ENOPH1: variants seen among roughly 807,000 people sequenced by gnomAD.
The protein encoded by ENOPH1 is enolase-phosphatase 1.
Under a neutral mutation model 31.1 loss-of-function variants are expected in ENOPH1, and 14 were observed. That is an observed-to-expected ratio of 0.45 (90% CI 0.30 to 0.70). The LOEUF (loss-of-function observed/expected upper bound fraction) is 0.70. Ranked by LOEUF, ENOPH1 falls within the 30% of genes least tolerant of loss-of-function variation. The pLI, the probability that ENOPH1 is intolerant of heterozygous loss-of-function variation, is 0.09. For missense variants in ENOPH1, 243 were observed against 321.5 expected (o/e 0.76, Z 1.87); for synonymous variants, 127 against 123.2 (o/e 1.03, Z -0.21).
intron 1 of ENOPH1, among the ~76,000 whole-genome samples, chr4:82,438,246 T>C (rs1293641023): frequency 1.3e-5 from 2 of 152,304 alleles, no homozygotes; most frequent in East Asian, 3.9e-4. Flanking sequence ...AGCCCTGATA[T>C]GCTCCTGCCA....
chr4:82,432,933 C>G (rs934311708), intron 1 of ENOPH1, among the ~76,000 whole-genome samples: 1 of 152,246 alleles, frequency 6.6e-6, no homozygotes, highest in African/African-American at 2.4e-5. Context: ...TTAATCACAC[C>G]AGAGACCTCT....
intron 3 of ENOPH1, among the ~76,000 whole-genome samples, chr4:82,452,957 A>C (rs1478203142): frequency 2.8e-5 from 4 of 144,224 alleles, no homozygotes; most frequent in Non-Finnish European, 6.0e-5. Context: ...GCTGGAGTGC[A>C]GTGGCGTGAT....
chr4:82,434,853 G>A (rs913519508), intron 1 of ENOPH1, among the ~76,000 whole-genome samples: 2 of 152,030 alleles, frequency 1.3e-5, no homozygotes, highest in South Asian at 2.1e-4. Context: ...GTTGCAGTGA[G>A]CCGAGATCGT....
At chr4:82,455,268 T>C (rs1182058037) in intron 4 of ENOPH1, among the ~76,000 whole-genome samples, 2 of 152,212 alleles carry the variant, frequency 1.3e-5, no homozygotes, top group Non-Finnish European at 2.9e-5. Flanking sequence ...TTGCATTTCA[T>C]GTACATGAGA....
At chr4:82,457,757 T>G (rs1331951598) in intron 5 of ENOPH1, among the ~76,000 whole-genome samples, 1 of 152,200 alleles carries the variant, frequency 6.6e-6, no homozygotes, top group Non-Finnish European at 1.5e-5. Context: ...AATGCACAGT[T>G]CCATTTGTGA....
intron 5 of ENOPH1, among the ~76,000 whole-genome samples, chr4:82,458,684 T>C (rs1722563236): frequency 2.0e-5 from 3 of 152,188 alleles, no homozygotes; most frequent in African/African-American, 7.2e-5. Context: ...CCCATGTGGA[T>C]TGTGATGGCT....
chr4:82,448,599 T>C (rs2110043438), intron 2 of ENOPH1, among the ~76,000 whole-genome samples: 1 of 151,586 alleles, frequency 6.6e-6, no homozygotes, highest in South Asian at 2.1e-4. Context: ...ATATATGATA[T>C]TGTTAGGCAA....
intron 1 of ENOPH1, among the ~76,000 whole-genome samples, chr4:82,434,905 T>TA (rs778921272): frequency 0.02 from 2,837 of 143,014 alleles, 28 homozygotes; most frequent in Middle Eastern, 0.029. Context: ...AGACTGTCTT[T>TA]AAAAAAAAAA....
At chr4:82,440,927 C>T (rs2110039279) in intron 1 of ENOPH1, among the ~76,000 whole-genome samples, 1 of 152,286 alleles carries the variant, frequency 6.6e-6, no homozygotes, top group African/African-American at 2.4e-5. Context: ...AAGACGAGGA[C>T]AGTAGGATTT....
intron 3 of ENOPH1, 32 bp downstream of exon 3, chr4:82,451,277 C>A: frequency 1.2e-6 from 2 of 1,601,990 alleles, no homozygotes; most frequent in Non-Finnish European, 1.7e-6. Flanking sequence ...AACATTTCAC[C>A]AGTCCCAAAT....
intron 1 of ENOPH1, among the ~76,000 whole-genome samples, chr4:82,435,833 C>T (rs1387467437): frequency 2.6e-5 from 4 of 152,170 alleles, no homozygotes; most frequent in African/African-American, 9.7e-5. Context: ...GGTCTCTTTC[C>T]CTATCTTCAT....
At chr4:82,457,973 G>T (rs1354603016) in intron 5 of ENOPH1, among the ~76,000 whole-genome samples, 4 of 152,180 alleles carry the variant, frequency 2.6e-5, no homozygotes, top group Non-Finnish European at 5.9e-5. Flanking sequence ...TTGGAGAATA[G>T]AAATAATCCC....
intron 3 of ENOPH1, among the ~76,000 whole-genome samples, chr4:82,452,875 A>T (rs1011048334): frequency 6.0e-5 from 9 of 150,260 alleles, no homozygotes; most frequent in Non-Finnish European, 1.3e-4. Context: ...GGCGTGAGCC[A>T]CTGTGCCAGG....
intron 3 of ENOPH1, 128 bp downstream of exon 3, chr4:82,451,373 C>T (rs1722346920): frequency 1.1e-6 from 1 of 904,732 alleles, no homozygotes. Context: ...TCTTTTTAGT[C>T]TAACAAGTGA....
At chr4:82,432,644 CGTTTT>C (rs57944208) in intron 1 of ENOPH1, among the ~76,000 whole-genome samples, 21 of 151,344 alleles carry the variant, frequency 1.4e-4, no homozygotes, top group African/African-American at 2.2e-4. Flanking sequence ...CTCTTCCCCA[CGTTTT>C]GTTTTGTTTT....
chr4:82,458,442 G>A (rs1465923722), intron 5 of ENOPH1, among the ~76,000 whole-genome samples: 2 of 152,048 alleles, frequency 1.3e-5, no homozygotes, highest in South Asian at 2.1e-4. Flanking sequence ...CCTGGGAGGC[G>A]GAGGTTGGGA....
intron 1 of ENOPH1, among the ~76,000 whole-genome samples, chr4:82,439,096 C>G (rs545865773): frequency 6.6e-6 from 1 of 152,264 alleles, no homozygotes; most frequent in Non-Finnish European, 1.5e-5. Context: ...CTCCTGGATC[C>G]TCTCTGGACC....
chr4:82,458,713 G>A (rs1038167993), intron 5 of ENOPH1, among the ~76,000 whole-genome samples: 9 of 152,106 alleles, frequency 5.9e-5, no homozygotes, highest in Admixed American at 2.6e-4. Context: ...TCATATTCCC[G>A]GGTTGCCAGT....
intron 1 of ENOPH1, among the ~76,000 whole-genome samples, chr4:82,444,467 A>G (rs2110041264): frequency 6.6e-6 from 1 of 152,092 alleles, no homozygotes; most frequent in South Asian, 2.1e-4. Flanking sequence ...GGTACCTTTT[A>G]TTACCCGTTT....
Sources: gnomAD v4.1 joint callset for allele counts (sites outside exome capture counted in the v4.1 genomes callset) on GRCh38, gnomAD v4.1.1 for gene constraint, MANE v1.5 for transcripts, NCBI Gene and HGNC (gene_info 2026-07-23, HGNC 2026-07-21) for gene names.